SYNE2: variants seen among roughly 807,000 people sequenced by gnomAD.
The protein encoded by SYNE2 is spectrin repeat containing nuclear envelope protein 2, also known as nesprin-2.
SYNE2 carries 431 observed loss-of-function variants against 856.3 expected under a neutral mutation model. That is an observed-to-expected ratio of 0.50 (90% CI 0.47 to 0.55). SYNE2 has a LOEUF of 0.55. SYNE2 is among the 20% of genes least tolerant of loss of function. The probability of loss-of-function intolerance (pLI) is 0.00; values close to 1 mark genes in which losing one functional copy is unlikely to be tolerated. For missense variants in SYNE2, 8,129 were observed against 8,023.2 expected, an observed-to-expected ratio of 1.01 and a Z score of -0.50; for synonymous variants, 2,923 against 2,872.3, an observed-to-expected ratio of 1.02 and a Z score of -0.56.
chr14:63,952,212 A>G (rs1477103179), intron 7 of SYNE2, among the ~76,000 whole-genome samples: 2 of 152,168 alleles, frequency 1.3e-5, no homozygotes, highest in East Asian at 1.9e-4. Flanking sequence ...TCTTTGTGGT[A>G]TTGGCTTTGG....
intron 45 of SYNE2, among the ~76,000 whole-genome samples, chr14:64,033,736 T>C (rs2097061269): frequency 6.6e-6 from 1 of 152,150 alleles, no homozygotes; most frequent in Admixed American, 6.5e-5. Flanking sequence ...TTTTAATTAA[T>C]CTTGAATGAT....
At chr14:64,018,421 T>C (rs373622871) in intron 34 of SYNE2, among the ~76,000 whole-genome samples, 7 of 152,264 alleles carry the variant, frequency 4.6e-5, no homozygotes, top group Admixed American at 6.5e-5. Flanking sequence ...TTTGTGTATT[T>C]TTAGTAGAGA....
chr14:64,075,892 A>G, intron 53 of SYNE2, 53 bp from the exon 54 acceptor site: 1 of 1,603,818 alleles, frequency 6.2e-7, no homozygotes, highest in Non-Finnish European at 8.5e-7. Flanking sequence ...ACTTTTTAGA[A>G]TTAAACTTTT....
chr14:64,045,196 G>A (rs1452925471), intron 45 of SYNE2, among the ~76,000 whole-genome samples: 1 of 152,146 alleles, frequency 6.6e-6, no homozygotes, highest in Non-Finnish European at 1.5e-5. Context: ...GTGGCTTTGG[G>A]AGTTGGTAAA....
chr14:63,943,030 A>T (rs7156778), intron 6 of SYNE2, among the ~76,000 whole-genome samples: 71,970 of 152,148 alleles, frequency 0.47, 18,340 homozygotes, highest in South Asian at 0.56. Flanking sequence ...GCCATGGTAA[A>T]TGTTTGCTTC....
At chr14:63,989,248 G>A (rs946148421) in intron 19 of SYNE2, among the ~76,000 whole-genome samples, 1 of 152,084 alleles carries the variant, frequency 6.6e-6, no homozygotes, top group Non-Finnish European at 1.5e-5. Flanking sequence ...ATTTTGCATT[G>A]CAGGTTTTTT....
intron 85 of SYNE2, among the ~76,000 whole-genome samples, chr14:64,154,792 C>CAAAA (rs34020154): frequency 2.2e-5 from 2 of 91,096 alleles, no homozygotes; most frequent in African/African-American, 4.1e-5. Context: ...GACCCTGTCT[C>CAAAA]AAAAAAAAAA....
At chr14:63,871,714 A>G (rs1270933265) in intron 1 of SYNE2, among the ~76,000 whole-genome samples, 1 of 150,060 alleles carries the variant, frequency 6.7e-6, no homozygotes, top group East Asian at 2.0e-4. Flanking sequence ...GGCTGGTCTC[A>G]AACTCCTGAG....
chr14:63,845,222 C>T (rs1431711753), intron 1 of SYNE2, among the ~76,000 whole-genome samples: 1 of 152,030 alleles, frequency 6.6e-6, no homozygotes, highest in African/African-American at 2.4e-5. Flanking sequence ...TCAAAACCAG[C>T]CTGGCCAAAA....
At chr14:64,212,675 T>C in intron 104 of SYNE2, 136 bp from the exon 105 acceptor site, 1 of 815,354 alleles carries the variant, frequency 1.2e-6, no homozygotes, top group Non-Finnish European at 2.0e-6. Flanking sequence ...AGTTAAAAAC[T>C]AAAGCTAGAG....
chr14:64,145,609 A>C (rs1335276668), intron 83 of SYNE2, among the ~76,000 whole-genome samples: 1 of 152,126 alleles, frequency 6.6e-6, no homozygotes, highest in African/African-American at 2.4e-5. Context: ...CTAATAAAAA[A>C]TTTATTATGA....
rs540506284 is a variant in SYNE2 at position 63,876,820 on chromosome 14, G to A, written c.-52+23677G>A. Among the ~76,000 whole-genome samples, 29 of 152,102 alleles carry A rather than the reference G, an allele frequency of 1.9e-4. No individual in the cohort carries two copies. The South Asian group carries it at 5.4e-3, about 28-fold the overall frequency. On this transcript the variant is annotated intron_variant, in intron 1 of 115. Transcript: ENST00000555002. Reference sequence around the variant, plus strand: ...GTTTCTTTTAACTGCATTGCTAATCGTATCAAATAAACCGAGAGAATACAG... The same window carrying A: ...GTTTCTTTTAACTGCATTGCTAATCATATCAAATAAACCGAGAGAATACAG...
In SYNE2 at chr14:64,203,104, C is replaced by T. The variant is rs1162919686; in HGVS notation, c.18201+141C>T. 4 of 1,091,192 alleles carry T rather than the reference C, an allele frequency of 3.7e-6. No individual in the cohort carries two copies. The African/African-American group carries it at 6.2e-5, about 17-fold the overall frequency. 67.6% of individuals were successfully genotyped at this position (1,091,192 alleles called of 1,614,324 possible). ...TGCTTTTTCCAGAGAAAACTGACCA[C>T]CTTTCCATGTTCTTATATCTGTCTC... On this transcript the variant is annotated intron_variant, in intron 100 of 115. Coordinates refer to ENST00000555002, the MANE Select transcript of SYNE2 (RefSeq NM_182914.3).
rs2097828872 is a variant in SYNE2 at position 64,113,479 on chromosome 14, C to G, written c.12748C>G (p.Leu4250Val). 1 of 1,614,178 alleles carries G rather than the reference C, an allele frequency of 6.2e-7. No homozygotes were observed. The highest frequency in any genetic ancestry group is 8.5e-7 in the Non-Finnish European group (1 of 1,180,028). ...ACKTQVAELE[L>V]WLQQANVAVE... ...CAAGACCCAGGTGGCCGAGCTGGAG[C>G]TGTGGCTGCAACAAGCCAACGTGGC... Residue 4250 changes from leucine (L) to valine (V), a missense_variant, in exon 66 of 116, where the codon CTG becomes GTG. Transcript: ENST00000555002.
Position 64,070,724 on chromosome 14 carries a change from C to A in SYNE2, c.10511C>A (p.Thr3504Lys). Residue 3504 changes from threonine (T) to lysine (K), a missense_variant, in exon 52 of 116, where the codon ACA becomes AAA. Thr to Lys is a moderately conservative substitution (Grantham distance 78). Coordinates refer to ENST00000555002, the MANE Select transcript of SYNE2 (RefSeq NM_182914.3). ...TCCAAAACAAAAGAGGCAGCCACCA[C>A]AGAGGAACTCTCTGAGCTGCTAGAC... ...EISKTKEAATTEELSELLDCL... is the reference protein window; with the variant it reads ...EISKTKEAATKEELSELLDCL... 6.2e-7 allele frequency: 1 copy of A among 1,614,168 alleles called. No homozygotes were observed. Among genetic ancestry groups the A allele is most frequent in the Non-Finnish European group, 8.5e-7 (1 of 1,180,014 alleles).
chr14:64,121,904 A>G, intron 68 of SYNE2, 108 bp from the exon 69 acceptor site: 1 of 1,418,182 alleles, frequency 7.1e-7, no homozygotes, highest in Non-Finnish European at 9.7e-7. Context: ...ATAGTAATTA[A>G]TGATTTAGGA....
intron 65 of SYNE2, among the ~76,000 whole-genome samples, chr14:64,111,457 G>A (rs1022378659): frequency 1.3e-5 from 2 of 151,986 alleles, no homozygotes; most frequent in East Asian, 1.9e-4. Flanking sequence ...ACTAGAAATT[G>A]ATATCTGGAA....
intron 23 of SYNE2, among the ~76,000 whole-genome samples, chr14:63,996,076 G>A (rs1329551299): frequency 6.6e-6 from 1 of 152,094 alleles, no homozygotes; most frequent in East Asian, 1.9e-4. Flanking sequence ...GTTTTTCGGA[G>A]AACTCAAATT....
intron 60 of SYNE2, 101 bp from the exon 61 acceptor site, chr14:64,093,248 C>A: frequency 7.3e-7 from 1 of 1,360,638 alleles, no homozygotes. Context: ...TGCATATTTG[C>A]TGTGAGTGAT....
Sources: allele counts gnomAD v4.1 joint callset (sites outside exome capture counted in the v4.1 genomes callset), GRCh38; gene constraint gnomAD v4.1.1; transcripts MANE v1.5; gene names NCBI Gene and HGNC (gene_info 2026-07-23, HGNC 2026-07-21).